The following KCND2 variants were observed in gnomAD, a reference collection of about 807,000 sequenced individuals.
The protein encoded by KCND2 is A-type voltage-gated potassium channel KCND2.
In KCND2, 16 loss-of-function variants were observed where a neutral mutation model predicts 54.4. The observed-to-expected ratio is 0.29, with a 90% CI of 0.20 to 0.45. The LOEUF is 0.45. Among genes scored for constraint, KCND2 ranks in the 20% least tolerant of loss-of-function variants. The pLI is 1.00. For synonymous variants in KCND2, 317 were observed against 310.7 expected (o/e 1.02, Z -0.21); for missense variants, 486 against 824.2 (o/e 0.59, Z 5.02).
intron 1 of KCND2, among the ~76,000 whole-genome samples, chr7:120,321,189 G>T (rs1799888909): frequency 6.6e-6 from 1 of 152,092 alleles, no homozygotes. Flanking sequence ...TAATTTAGTA[G>T]GAAATACTAA....
chr7:120,695,933 C>T (rs1333207572), intron 1 of KCND2, among the ~76,000 whole-genome samples: 1 of 152,002 alleles, frequency 6.6e-6, no homozygotes, highest in African/African-American at 2.4e-5. Flanking sequence ...AATGAAATGC[C>T]AAAATAAATC....
intron 1 of KCND2, among the ~76,000 whole-genome samples, chr7:120,364,505 A>T (rs1800638599): frequency 6.6e-6 from 1 of 152,142 alleles, no homozygotes; most frequent in African/African-American, 2.4e-5. Flanking sequence ...GGTAAAACAC[A>T]ATAGGGAATA....
intron 1 of KCND2, among the ~76,000 whole-genome samples, chr7:120,575,813 A>G (rs1012474342): frequency 6.6e-6 from 1 of 152,164 alleles, no homozygotes; most frequent in Non-Finnish European, 1.5e-5. Flanking sequence ...GTATCATTAT[A>G]TGGATAAGAA....
At chr7:120,465,445 C>G (rs1802353119) in intron 1 of KCND2, among the ~76,000 whole-genome samples, 1 of 150,374 alleles carries the variant, frequency 6.7e-6, no homozygotes, top group Non-Finnish European at 1.5e-5. Flanking sequence ...GAACTGAATT[C>G]CTATTAAATA....
At chr7:120,440,571 G>A (rs1801932779) in intron 1 of KCND2, among the ~76,000 whole-genome samples, 1 of 151,890 alleles carries the variant, frequency 6.6e-6, no homozygotes, top group Non-Finnish European at 1.5e-5. Context: ...TCCAGACCAA[G>A]GTCATGAAGC....
intron 1 of KCND2, among the ~76,000 whole-genome samples, chr7:120,709,260 T>C (rs1162084336): frequency 1.3e-5 from 2 of 152,188 alleles, no homozygotes; most frequent in East Asian, 3.8e-4. Context: ...AAAACAAAAC[T>C]TCAAATTATT....
At chr7:120,596,321 G>A (rs1038556366) in intron 1 of KCND2, among the ~76,000 whole-genome samples, 1 of 152,148 alleles carries the variant, frequency 6.6e-6, no homozygotes, top group African/African-American at 2.4e-5. Context: ...AAGTAATAAA[G>A]CAGGAATGCA....
At chr7:120,514,417 T>C (rs1416189238) in intron 1 of KCND2, among the ~76,000 whole-genome samples, 5 of 152,166 alleles carry the variant, frequency 3.3e-5, no homozygotes, top group African/African-American at 1.2e-4. Flanking sequence ...AATGTCTGCA[T>C]ACAAACACCC....
intron 1 of KCND2, among the ~76,000 whole-genome samples, chr7:120,486,634 C>G (rs1285777935): frequency 6.6e-6 from 1 of 151,542 alleles, no homozygotes; most frequent in Admixed American, 6.6e-5. Flanking sequence ...AATTTCCATG[C>G]TGAAAAATGA....
intron 1 of KCND2, among the ~76,000 whole-genome samples, chr7:120,612,446 A>G (rs1792968643): frequency 6.6e-6 from 1 of 152,250 alleles, no homozygotes; most frequent in Non-Finnish European, 1.5e-5. Flanking sequence ...TTGCTTAGGT[A>G]CTAAATAAAT....
At chr7:120,471,273 A>G (rs1164045446) in intron 1 of KCND2, among the ~76,000 whole-genome samples, 2 of 152,116 alleles carry the variant, frequency 1.3e-5, no homozygotes, top group East Asian at 1.9e-4. Flanking sequence ...CTTGAATTGC[A>G]GACAGCATTA....
intron 1 of KCND2, among the ~76,000 whole-genome samples, chr7:120,440,576 T>C (rs1427757784): frequency 6.6e-6 from 1 of 152,122 alleles, no homozygotes; most frequent in African/African-American, 2.4e-5. Flanking sequence ...ACCAAGGTCA[T>C]GAAGCATTTT....
At chr7:120,567,947 TG>T (rs1400049515) in intron 1 of KCND2, among the ~76,000 whole-genome samples, 4 of 152,132 alleles carry the variant, frequency 2.6e-5, no homozygotes, top group Non-Finnish European at 5.9e-5. Flanking sequence ...CAATGATGCA[TG>T]TAATATTCTT....
At position 120,655,327 on chromosome 7, in the gene KCND2, A is replaced by C. The variant is rs576769991; in HGVS notation, c.1116-77576A>C. ...ATAATCAAAGAAAAAACTTTTGAAA[A>C]GAAGAATGTTTGAGCTACAGGACCC... is the stretch of plus-strand genomic sequence containing the variant. On this transcript the variant is annotated intron_variant, in intron 1 of 5. Coordinates refer to ENST00000331113, the MANE Select transcript of KCND2 (RefSeq NM_012281.3). Among the ~76,000 whole-genome samples the C allele has an allele frequency of 2.8e-3, 419 of 152,144 alleles. 2 individuals are homozygous for C. The highest frequency in any genetic ancestry group is 9.7e-3 in the African/African-American group (401 of 41,552).
At chr7:120,421,598 A>G (rs376168060) in intron 1 of KCND2, among the ~76,000 whole-genome samples, 8 of 152,354 alleles carry the variant, frequency 5.3e-5, no homozygotes, top group South Asian at 2.1e-4. Flanking sequence ...GCATTTCCCA[A>G]AGATTCATAG....
At chr7:120,384,623 A>G (rs1800962004) in intron 1 of KCND2, among the ~76,000 whole-genome samples, 1 of 152,168 alleles carries the variant, frequency 6.6e-6, no homozygotes. Context: ...TATCTTTTAC[A>G]CAGAATACAC....
At chr7:120,649,353 A>G (rs1791695670) in intron 1 of KCND2, among the ~76,000 whole-genome samples, 1 of 152,166 alleles carries the variant, frequency 6.6e-6, no homozygotes, top group Non-Finnish European at 1.5e-5. Flanking sequence ...TGGGGAAAAA[A>G]TCTTCTAAAA....
intron 1 of KCND2, among the ~76,000 whole-genome samples, chr7:120,497,220 G>A (rs532514692): frequency 6.6e-6 from 1 of 152,202 alleles, no homozygotes; most frequent in African/African-American, 2.4e-5. Flanking sequence ...ATTCTATCCT[G>A]AGCTCTTTAA....
At chr7:120,536,438 C>T (rs1791908256) in intron 1 of KCND2, among the ~76,000 whole-genome samples, 1 of 151,908 alleles carries the variant, frequency 6.6e-6, no homozygotes, top group Non-Finnish European at 1.5e-5. Flanking sequence ...ATTGACACTT[C>T]TTTTCACTAA....
Sources: allele counts gnomAD v4.1 joint callset (sites outside exome capture counted in the v4.1 genomes callset), GRCh38; gene constraint gnomAD v4.1.1; transcripts MANE v1.5; gene names NCBI Gene and HGNC (gene_info 2026-07-23, HGNC 2026-07-21).